SAMD5: variants seen among roughly 807,000 people sequenced by gnomAD.
SAMD5 encodes sterile alpha motif domain-containing protein 5.
Under a neutral mutation model 11.3 loss-of-function variants are expected in SAMD5, and 13 were observed. The ratio of observed to expected loss-of-function variants is 1.15; its 90% confidence interval spans 0.75 to 1.83. The LOEUF (loss-of-function observed/expected upper bound fraction) is 1.83. Ranked by LOEUF, SAMD5 falls within the 40% of genes most tolerant of loss-of-function variation. The pLI is 0.00. For synonymous variants in SAMD5, 129 were observed against 111.3 expected (o/e 1.16, Z -1.00); for missense variants, 255 against 239.1 (o/e 1.07, Z -0.44).
intron 1 of SAMD5, among the ~76,000 whole-genome samples, chr6:147,669,420 C>CTTTTTTTTTTTTTTTTTTTTTTTTT (rs55877273): frequency 1.3e-5 from 1 of 74,516 alleles, no homozygotes; most frequent in Non-Finnish European, 2.4e-5. Flanking sequence ...AGCTCCACTT[C>CTTTTTTTTTTTTTTTTTTTTTTTTT]TTTTTTTTTT....
intron 1 of SAMD5, among the ~76,000 whole-genome samples, chr6:147,657,413 G>A (rs1790586557): frequency 6.6e-6 from 1 of 152,056 alleles, no homozygotes; most frequent in Admixed American, 6.6e-5. Flanking sequence ...TTTTAATAAA[G>A]GGGTATGTAA....
chr6:147,747,375 A>C, the SAMD5 span, among the ~76,000 whole-genome samples: 4 of 152,228 alleles, frequency 2.6e-5, no homozygotes, highest in Admixed American at 6.5e-5. Flanking sequence ...TGAAGGCAAC[A>C]AGGTTGCTGC....
chr6:147,622,843 T>C (rs1321723770), intron 1 of SAMD5, among the ~76,000 whole-genome samples: 1 of 152,140 alleles, frequency 6.6e-6, no homozygotes, highest in Non-Finnish European at 1.5e-5. Context: ...TGGGGAGGCC[T>C]CACAATCATG....
intron 1 of SAMD5, among the ~76,000 whole-genome samples, chr6:147,683,512 C>T (rs1313924613): frequency 6.6e-6 from 1 of 152,130 alleles, no homozygotes; most frequent in Non-Finnish European, 1.5e-5. Context: ...GTCAGTTATT[C>T]TTAAGTGAAA....
At chr6:147,799,027 G>A in the SAMD5 span, among the ~76,000 whole-genome samples, 2 of 152,102 alleles carry the variant, frequency 1.3e-5, no homozygotes, top group Admixed American at 6.5e-5. Flanking sequence ...TATCCAGTTT[G>A]CCAGTCTGTG....
chr6:147,586,561 G>A (rs545511550), intron 1 of SAMD5, among the ~76,000 whole-genome samples: 4 of 151,954 alleles, frequency 2.6e-5, no homozygotes, highest in Admixed American at 1.3e-4. Flanking sequence ...ACTAATCAAC[G>A]TTACCACGGT....
At chr6:147,935,036 G>T in the SAMD5 span, among the ~76,000 whole-genome samples, 35,406 of 151,918 alleles carry the variant, frequency 0.23, 4,749 homozygotes, top group African/African-American at 0.36. Context: ...TTAAACAAAT[G>T]TATGACATTG....
chr6:147,852,209 A>G, the SAMD5 span, among the ~76,000 whole-genome samples: 6 of 152,264 alleles, frequency 3.9e-5, no homozygotes, highest in Admixed American at 1.3e-4. Context: ...TTTATCTGGC[A>G]TATATAATGT....
intron 1 of SAMD5, among the ~76,000 whole-genome samples, chr6:147,609,584 C>G (rs1298858173): frequency 6.6e-6 from 1 of 152,174 alleles, no homozygotes; most frequent in African/African-American, 2.4e-5. Context: ...GAATCTCACC[C>G]TGTCGCACAG....
chr6:147,927,469 G>T, the SAMD5 span, among the ~76,000 whole-genome samples: 1 of 152,144 alleles, frequency 6.6e-6, no homozygotes, highest in African/African-American at 2.4e-5. Flanking sequence ...TGGCTTGGCT[G>T]TTGTTGGTGT....
the SAMD5 span, among the ~76,000 whole-genome samples, chr6:147,845,630 A>G: frequency 2.6e-5 from 4 of 152,192 alleles, no homozygotes; most frequent in Non-Finnish European, 1.5e-5. Context: ...ACCTGAAAAG[A>G]TGATCAACAT....
At chr6:147,531,110 C>T (rs1788423431) in intron 1 of SAMD5, among the ~76,000 whole-genome samples, 1 of 151,422 alleles carries the variant, frequency 6.6e-6, no homozygotes, top group Non-Finnish European at 1.5e-5. Flanking sequence ...TCAGTTATCC[C>T]AGGACATTTA....
At chr6:147,800,091 G>A in the SAMD5 span, among the ~76,000 whole-genome samples, 1 of 152,214 alleles carries the variant, frequency 6.6e-6, no homozygotes, top group East Asian at 1.9e-4. Flanking sequence ...TCTCCGTCCA[G>A]CTTTGTTCCA....
intron 1 of SAMD5, among the ~76,000 whole-genome samples, chr6:147,736,063 T>G (rs1291410170): frequency 6.6e-6 from 1 of 152,202 alleles, no homozygotes; most frequent in Non-Finnish European, 1.5e-5. Context: ...CTTGGCACAG[T>G]TAAGAGACTG....
the SAMD5 span, among the ~76,000 whole-genome samples, chr6:147,886,301 CA>C: frequency 2.6e-5 from 4 of 152,276 alleles, no homozygotes; most frequent in Admixed American, 2.6e-4. Flanking sequence ...AAGAGCAACG[CA>C]AACCCAAAAC....
chr6:147,599,147 G>A (rs12204941), intron 1 of SAMD5, among the ~76,000 whole-genome samples: 43,052 of 152,070 alleles, frequency 0.28, 7,263 homozygotes, highest in South Asian at 0.37. Flanking sequence ...ATTGGGCAAG[G>A]CTAGGACTTC....
At chr6:147,811,275 C>T in the SAMD5 span, among the ~76,000 whole-genome samples, 7 of 152,188 alleles carry the variant, frequency 4.6e-5, 1 homozygote, top group South Asian at 1.5e-3. Context: ...TAACAGGAAA[C>T]CCATTCTCAA....
the SAMD5 span, among the ~76,000 whole-genome samples, chr6:147,923,479 A>G: frequency 2.0e-5 from 3 of 152,168 alleles, no homozygotes; most frequent in Non-Finnish European, 4.4e-5. Context: ...ACTTAGATGA[A>G]TTTTTTTAAT....
Position 147,566,222 on chromosome 6 carries a change from G to T in SAMD5, c.*1766G>T. 2 of 976,058 alleles carry T rather than the reference G, an allele frequency of 2.0e-6. No homozygotes were observed. The highest frequency in any genetic ancestry group is 2.4e-6 in the Non-Finnish European group (2 of 821,678). 60.5% of individuals were successfully genotyped at this position (976,058 alleles called of 1,614,324 possible). On this transcript the variant is annotated 3_prime_UTR_variant, in exon 2 of 2. Transcript: ENST00000367474. ...AAGTTAAATTTTAAAAGCATGTATA[G>T]GTTGTCCTTAAATTATACAAAAGCT...
Sources: allele counts gnomAD v4.1 joint callset (sites outside exome capture counted in the v4.1 genomes callset), GRCh38; gene constraint gnomAD v4.1.1; transcripts MANE v1.5; gene names NCBI Gene and HGNC (gene_info 2026-07-23, HGNC 2026-07-21).